Variants in MTUS2 observed in about 807,000 individuals in gnomAD.
MTUS2 encodes microtubule-associated tumor suppressor candidate 2.
A neutral mutation model predicts 114.1 loss-of-function variants in MTUS2; 40 were observed. The ratio of observed to expected loss-of-function variants is 0.35; its 90% CI spans 0.27 to 0.46. MTUS2 has a LOEUF of 0.46. Ranked by LOEUF, MTUS2 falls within the 20% of genes least tolerant of loss-of-function variation. The pLI is 1.00. For missense variants in MTUS2, 1,679 were observed against 1,705.4 expected (o/e 0.98, Z 0.27); for synonymous variants, 688 against 672.0 (o/e 1.02, Z -0.37).
chr13:29,470,200 C>G (rs1667970507), intron 9 of MTUS2, among the ~76,000 whole-genome samples: 1 of 152,144 alleles, frequency 6.6e-6, no homozygotes, highest in Non-Finnish European at 1.5e-5. Context: ...AGGCTCCATG[C>G]TTTTAATAAC....
chr13:29,433,361 A>G (rs1005207243), intron 8 of MTUS2, among the ~76,000 whole-genome samples: 3 of 152,246 alleles, frequency 2.0e-5, no homozygotes, highest in Admixed American at 6.5e-5. Context: ...TTAAATGGGA[A>G]GGATACTTTG....
chr13:29,178,302 C>A (rs1423323596), intron 5 of MTUS2, among the ~76,000 whole-genome samples: 2 of 152,122 alleles, frequency 1.3e-5, no homozygotes, highest in Non-Finnish European at 2.9e-5. Context: ...TGGTCATACC[C>A]TACTTTCCCA....
chr13:28,910,503 G>A (rs1880347580), intron 2 of MTUS2, among the ~76,000 whole-genome samples: 1 of 152,102 alleles, frequency 6.6e-6, no homozygotes, highest in Admixed American at 6.6e-5. Context: ...AAGCCCAGCA[G>A]TCATTACCTG....
chr13:29,128,656 C>T (rs958925075), intron 5 of MTUS2, among the ~76,000 whole-genome samples: 10 of 152,060 alleles, frequency 6.6e-5, no homozygotes, highest in African/African-American at 2.4e-4. Context: ...TGAATGGTGG[C>T]ATTTGGGGTA....
chr13:28,970,394 T>C (rs1452989165), intron 2 of MTUS2, among the ~76,000 whole-genome samples: 3 of 152,248 alleles, frequency 2.0e-5, no homozygotes, highest in Non-Finnish European at 4.4e-5. Flanking sequence ...AGACCACATC[T>C]GTCCTGCCAC....
In MTUS2 at chr13:28,845,411, A is replaced by C. The variant is rs190927016; in HGVS notation, c.-243+5561A>C. 7.0e-4 allele frequency among the ~76,000 whole-genome samples: 107 copies of C among 152,350 alleles called. 1 individual carries two copies. The highest frequency in any genetic ancestry group is 2.5e-3 in the African/African-American group (103 of 41,570). On this transcript the variant is annotated intron_variant, in intron 2 of 15. Coordinates refer to ENST00000612955, the MANE Select transcript of MTUS2 (RefSeq NM_001033602.4). ...ACACTAAGGAAATGTTTCTGGAATG[A>C]ATGAAGCCATTTGAAGCTTGTGTCT...
chr13:28,952,531 C>T (rs1882860611), intron 2 of MTUS2, among the ~76,000 whole-genome samples: 1 of 151,860 alleles, frequency 6.6e-6, no homozygotes. Context: ...TTTCGTTTTC[C>T]CTTACTTTCT....
At chr13:28,871,693 T>C (rs1283480332) in intron 2 of MTUS2, among the ~76,000 whole-genome samples, 2 of 152,242 alleles carry the variant, frequency 1.3e-5, no homozygotes, top group Non-Finnish European at 1.5e-5. Context: ...AAATATTTTA[T>C]GTAGTAATAA....
At chr13:29,132,803 A>G (rs984412933) in intron 5 of MTUS2, among the ~76,000 whole-genome samples, 1 of 152,164 alleles carries the variant, frequency 6.6e-6, no homozygotes, top group Admixed American at 6.5e-5. Context: ...AGTTAATACC[A>G]CTGTGAACCT....
intron 5 of MTUS2, among the ~76,000 whole-genome samples, chr13:29,197,252 G>A (rs1389629734): frequency 6.6e-6 from 1 of 151,996 alleles, no homozygotes; most frequent in East Asian, 1.9e-4. Flanking sequence ...CCCAGTGTGT[G>A]ATGTTCCCCT....
intron 9 of MTUS2, among the ~76,000 whole-genome samples, chr13:29,460,279 G>A (rs540162460): frequency 1.3e-5 from 2 of 152,230 alleles, no homozygotes; most frequent in East Asian, 3.9e-4. Context: ...TGCCTCTCAT[G>A]CATCCTCAGA....
chr13:28,908,190 T>C (rs1328104604), intron 2 of MTUS2, among the ~76,000 whole-genome samples: 3 of 151,578 alleles, frequency 2.0e-5, no homozygotes, highest in Admixed American at 6.6e-5. Flanking sequence ...GTACACAACA[T>C]GCAGGTTAGT....
chr13:29,065,921 C>G (rs7996027), intron 4 of MTUS2, among the ~76,000 whole-genome samples: 4,719 of 152,198 alleles, frequency 0.031, 104 homozygotes, highest in South Asian at 0.048. Flanking sequence ...AACCCCCCCC[C>G]ACCTGACATG....
chr13:28,998,097 GTC>G lies in MTUS2; in HGVS notation c.-242-26355_-242-26354del, dbSNP rs552665444. Among the ~76,000 whole-genome samples the G allele has an allele frequency of 3.5e-3, 532 of 152,024 alleles. 3 individuals carry two copies. The highest frequency in any genetic ancestry group is 0.012 in the African/African-American group (508 of 41,494). ...TTAGGGCAGGCCTGGTGGTGACAAA[GTC>G]TCTCAGCATTTGCTTTGCTGTAAAG... On this transcript the variant is annotated intron_variant, in intron 2 of 15. Coordinates refer to ENST00000612955, the MANE Select transcript of MTUS2 (RefSeq NM_001033602.4).
At chr13:28,887,037 C>T (rs1377003036) in intron 2 of MTUS2, among the ~76,000 whole-genome samples, 1 of 152,138 alleles carries the variant, frequency 6.6e-6, no homozygotes, top group Non-Finnish European at 1.5e-5. Context: ...ATTGTGTTGA[C>T]AACGTGAGGT....
At chr13:29,428,442 C>T (rs1479614054) in intron 8 of MTUS2, among the ~76,000 whole-genome samples, 6 of 152,224 alleles carry the variant, frequency 3.9e-5, no homozygotes, top group Admixed American at 3.9e-4. Context: ...CAGGGGAGGG[C>T]TGGGAGCGGC....
At chr13:28,820,752 C>G (rs1873839936) in intron 1 of MTUS2, 141 bp downstream of exon 1, 1 of 152,366 alleles carries the variant, frequency 6.6e-6, no homozygotes, top group Non-Finnish European at 1.5e-5. Context: ...GGCTTCTCGT[C>G]TCCAGAGCGC....
intron 2 of MTUS2, among the ~76,000 whole-genome samples, chr13:28,981,872 A>AC (rs890914473): frequency 3.9e-5 from 6 of 152,022 alleles, no homozygotes; most frequent in African/African-American, 1.2e-4. Context: ...CCATTGTGTC[A>AC]CCCCGAGGCT....
At chr13:28,897,476 G>A (rs1198855245) in intron 2 of MTUS2, among the ~76,000 whole-genome samples, 1 of 152,166 alleles carries the variant, frequency 6.6e-6, no homozygotes, top group Non-Finnish European at 1.5e-5. Context: ...CAACCATTGT[G>A]GAAGTCAGTG....
Sources: gnomAD v4.1 joint callset for allele counts (sites outside exome capture counted in the v4.1 genomes callset) on GRCh38, gnomAD v4.1.1 for gene constraint, MANE v1.5 for transcripts, NCBI Gene and HGNC (gene_info 2026-07-23, HGNC 2026-07-21) for gene names.